C5AR1: variants seen among roughly 807,000 people sequenced by gnomAD.
The protein encoded by C5AR1 is C5a anaphylatoxin chemotactic receptor 1.
Under a neutral mutation model 2.4 loss-of-function variants are expected in C5AR1, and 4 were observed. The ratio of observed to expected loss-of-function variants is 1.65; its 90% confidence interval spans 0.81 to 3.77. The LOEUF (loss-of-function observed/expected upper bound fraction) is 3.77. Ranked by LOEUF, C5AR1 falls within the 30% of genes most tolerant of loss-of-function variation. The probability of loss-of-function intolerance (pLI) is 0.01; values close to 1 mark genes in which losing one functional copy is unlikely to be tolerated. For missense variants in C5AR1, 418 were observed against 462.5 expected (o/e 0.90, Z 0.88); for synonymous variants, 209 against 210.4 (o/e 0.99, Z 0.06).
Position 47,320,762 on chromosome 19 carries a change from G to T in C5AR1, c.985G>T (p.Val329Phe), listed in dbSNP as rs2059307697. The T allele has an allele frequency of 6.2e-7, 1 of 1,614,118 alleles. No homozygotes were observed. Among genetic ancestry groups the T allele is most frequent in the African/African-American group, 1.3e-5 (1 of 75,036 alleles). ...GAACGTGTTGACTGAAGAGTCCGTG[G>T]TTAGGGAGAGCAAGTCATTCACGCG... ...LRNVLTEESV[V>F]RESKSFTRST... Residue 329 changes from valine (V) to phenylalanine (F), a missense_variant, in exon 2 of 2, where the codon GTT becomes TTT. Transcript: ENST00000355085. This position sits in a 1 kb window ranked among gnomAD's most constrained non-coding sequence, Gnocchi z 4.9.
At position 47,320,090 on chromosome 19, in the gene C5AR1, G is replaced by T. The variant is rs1305053971; in HGVS notation, c.313G>T (p.Gly105Cys). The change falls in exon 2 of 2, where the codon GGC (glycine) becomes TGC (cysteine). Residue 105 changes from glycine (G) to cysteine (C), a missense_variant. Physicochemically the swap from Gly to Cys is radical, Grantham distance 159. Coordinates refer to ENST00000355085, the MANE Select transcript of C5AR1 (RefSeq NM_001736.4). This position sits in a 1 kb window ranked among gnomAD's most constrained non-coding sequence, Gnocchi z 4.9. ...SIVQHHHWPF[G>C]GAACSILPSL... is the part of the protein sequence containing the mutation. ...TGTACAGCATCACCACTGGCCCTTT[G>T]GCGGGGCCGCCTGCAGCATCCTGCC... The T allele has an allele frequency of 6.2e-7, 1 of 1,614,042 alleles. No homozygotes were observed. The highest frequency in any genetic ancestry group is 8.5e-7 in the Non-Finnish European group (1 of 1,180,054).
At chr19:47,318,363 A>G (rs1351037945) in intron 1 of C5AR1, among the ~76,000 whole-genome samples, 5 of 149,102 alleles carry the variant, frequency 3.4e-5, no homozygotes, top group Admixed American at 2.7e-4. Flanking sequence ...TCGCTATCTC[A>G]GCTCATTGCA....
At position 47,320,437 on chromosome 19, in the gene C5AR1, T is replaced by C. The variant is rs200212381; in HGVS notation, c.660T>C (p.Ile220=). 2.5e-6 allele frequency: 4 copies of C among 1,611,704 alleles called. No homozygotes were observed. The highest frequency in any genetic ancestry group is 3.4e-6 in the Non-Finnish European group (4 of 1,179,988). Residue 220 remains isoleucine (I), a synonymous_variant, in exon 2 of 2, where the codon ATT becomes ATC. Transcript: ENST00000355085. This position sits in a 1 kb window ranked among gnomAD's most constrained non-coding sequence, Gnocchi z 4.9. ...TGTGGCCTCTACTCACGCTCACGAT[T>C]TGTTACACTTTCATCCTGCTCCGGA... is the stretch of plus-strand genomic sequence containing the variant. ...GFLWPLLTLT[I]CYTFILLRTW... is the part of the protein sequence containing the mutation.
chr19:47,320,369 C>T lies in C5AR1; in HGVS notation c.592C>T (p.Arg198Trp), dbSNP rs767400825. ...CGVDYSHDKRRERAVAIVRLV... is the reference protein window; with the variant it reads ...CGVDYSHDKRWERAVAIVRLV... ...CGTGGACTACAGCCACGACAAACGG[C>T]GGGAGCGAGCCGTGGCCATCGTCCG... Residue 198 changes from arginine to tryptophan, a missense_variant, in exon 2 of 2, where the codon CGG becomes TGG. Arg to Trp is a moderately radical substitution (Grantham distance 101, BLOSUM62 -3). Transcript: ENST00000355085. The surrounding 1 kb of genome is among the most constrained non-coding windows in gnomAD (Gnocchi z 4.9). 1.4e-5 allele frequency: 22 copies of T among 1,609,392 alleles called. No homozygotes were observed. Among genetic ancestry groups the T allele is most frequent in the East Asian group, 6.7e-5 (3 of 44,896 alleles).
chr19:47,311,826 A>C (rs888693885), intron 1 of C5AR1, among the ~76,000 whole-genome samples: 1 of 151,972 alleles, frequency 6.6e-6, no homozygotes, highest in Non-Finnish European at 1.5e-5. Flanking sequence ...TTGGTCTCCC[A>C]AAGTGCTGGG....
intron 1 of C5AR1, among the ~76,000 whole-genome samples, chr19:47,314,687 C>T (rs1374851247): frequency 3.3e-5 from 5 of 150,980 alleles, no homozygotes; most frequent in Middle Eastern, 3.7e-3. Flanking sequence ...CGTGAACCAC[C>T]GTGTCCAGCC....
Position 47,320,141 on chromosome 19 carries a change from G to A in C5AR1, c.364G>A (p.Ala122Thr), listed in dbSNP as rs201817569. The A allele has an allele frequency of 3.7e-6, 6 of 1,614,140 alleles. No individual in the cohort carries two copies. Among genetic ancestry groups the A allele is most frequent in the South Asian group, 3.3e-5 (3 of 91,084 alleles). The part of the protein sequence containing the change: ...LPSLILLNMY[A>T]SILLLATISA... ...CTCCCTCATCCTGCTCAACATGTACGCCAGCATCCTGCTCCTGGCCACCAT... is the reference window on the plus strand; with the variant it reads ...CTCCCTCATCCTGCTCAACATGTACACCAGCATCCTGCTCCTGGCCACCAT... Residue 122 changes from alanine to threonine, a missense_variant, in exon 2 of 2, where the codon GCC (alanine) becomes ACC (threonine). Coordinates refer to ENST00000355085, the MANE Select transcript of C5AR1 (RefSeq NM_001736.4). This position sits in a 1 kb window ranked among gnomAD's most constrained non-coding sequence, Gnocchi z 4.9.
chr19:47,319,886 G>A lies in C5AR1; in HGVS notation c.109G>A (p.Asp37Asn), dbSNP rs1352734150. 1 of 1,614,224 alleles carries A rather than the reference G, an allele frequency of 6.2e-7. No individual in the cohort carries two copies. The highest frequency in any genetic ancestry group is 1.7e-5 in the Admixed American group (1 of 60,028). Reference sequence around the variant, plus strand: ...AACTTCTAACACGCTGCGTGTTCCAGACATCCTGGCCTTGGTCATCTTTGC... The same window carrying A: ...AACTTCTAACACGCTGCGTGTTCCAAACATCCTGGCCTTGGTCATCTTTGC... ...DKTSNTLRVP[D>N]ILALVIFAVV... Residue 37 changes from aspartate (D) to asparagine (N), a missense_variant, in exon 2 of 2, where the codon GAC becomes AAC. Asp to Asn is a conservative substitution (Grantham distance 23). Transcript: ENST00000355085.
At chr19:47,311,695 G>T (rs1187711412) in intron 1 of C5AR1, among the ~76,000 whole-genome samples, 1 of 152,070 alleles carries the variant, frequency 6.6e-6, no homozygotes, top group Non-Finnish European at 1.5e-5. Context: ...CTCCCGACTA[G>T]GTGGGATTAC....
Position 47,320,143 on chromosome 19 carries a change from C to T in C5AR1, c.366C>T (p.Ala122=), listed in dbSNP as rs1381806307. The T allele has an allele frequency of 6.2e-7, 1 of 1,614,222 alleles. No homozygotes were observed. The highest frequency in any genetic ancestry group is 1.7e-5 in the Admixed American group (1 of 60,030). The change falls in exon 2 of 2, where the codon GCC becomes GCT. Residue 122 remains alanine (A), a synonymous_variant. Transcript: ENST00000355085. The surrounding 1 kb of genome is among the most constrained non-coding windows in gnomAD (Gnocchi z 4.9). ...CCCTCATCCTGCTCAACATGTACGC[C>T]AGCATCCTGCTCCTGGCCACCATCA... ...LPSLILLNMY[A]SILLLATISA...
chr19:47,313,121 G>A (rs911971231), intron 1 of C5AR1, among the ~76,000 whole-genome samples: 1 of 151,734 alleles, frequency 6.6e-6, no homozygotes. Context: ...TCACAGGTGC[G>A]TGCCACCACA....
intron 1 of C5AR1, among the ~76,000 whole-genome samples, chr19:47,314,740 C>T (rs1459116228): frequency 3.3e-5 from 5 of 152,174 alleles, no homozygotes; most frequent in African/African-American, 1.2e-4. Flanking sequence ...GTTGCCCAGG[C>T]TGGAGTGCAG....
intron 1 of C5AR1, among the ~76,000 whole-genome samples, chr19:47,313,820 G>A (rs1259456415): frequency 2.6e-5 from 4 of 151,758 alleles, no homozygotes; most frequent in Non-Finnish European, 5.9e-5. Flanking sequence ...CTTGCTAACC[G>A]AGAAGACTTG....
rs764094062 is a variant in C5AR1 at position 47,320,372 on chromosome 19, G to A, written c.595G>A (p.Glu199Lys). Residue 199 changes from glutamate to lysine, a missense_variant, in exon 2 of 2, where the codon GAG (glutamate) becomes AAG (lysine). Glu to Lys is a moderately conservative substitution (Grantham distance 56). Coordinates refer to ENST00000355085, the MANE Select transcript of C5AR1 (RefSeq NM_001736.4). This position sits in a 1 kb window ranked among gnomAD's most constrained non-coding sequence, Gnocchi z 4.9. ...GGACTACAGCCACGACAAACGGCGG[G>A]AGCGAGCCGTGGCCATCGTCCGGCT... ...GVDYSHDKRR[E>K]RAVAIVRLVL... The A allele has an allele frequency of 6.2e-7, 1 of 1,609,748 alleles. No homozygotes were observed. The highest frequency in any genetic ancestry group is 1.1e-5 in the South Asian group (1 of 91,084).
At chr19:47,309,965 G>A (rs907060791) in intron 1 of C5AR1, 67 bp downstream of exon 1, 3 of 1,541,318 alleles carry the variant, frequency 1.9e-6, no homozygotes, top group Non-Finnish European at 2.7e-6. Flanking sequence ...TGCTCCAGTG[G>A]GTCCTTCTCT....
chr19:47,309,101 A>G (rs1276742460), upstream of C5AR1, among the ~76,000 whole-genome samples: 1 of 152,136 alleles, frequency 6.6e-6, no homozygotes, highest in Non-Finnish European at 1.5e-5. Flanking sequence ...ACAGTAAAAT[A>G]TACTTAAATG....
upstream of C5AR1, among the ~76,000 whole-genome samples, chr19:47,308,602 C>A (rs367771228): frequency 1.3e-3 from 188 of 149,700 alleles, no homozygotes; most frequent in African/African-American, 4.4e-3. Flanking sequence ...TCAGCCTGGG[C>A]TGGAGTGCAA....
chr19:47,319,828 G>A lies in C5AR1; in HGVS notation c.51G>A (p.Lys17=), dbSNP rs199559901. The change falls in exon 2 of 2, where the codon AAG becomes AAA. Residue 17 remains lysine (K), a synonymous_variant. Coordinates refer to ENST00000355085, the MANE Select transcript of C5AR1 (RefSeq NM_001736.4). ...CTGATTATGGGCACTATGATGACAA[G>A]GATACCCTGGACCTCAACACCCCTG... ...TTPDYGHYDD[K]DTLDLNTPVD... The A allele has an allele frequency of 3.0e-5, 49 of 1,613,706 alleles. No individual in the cohort carries two copies. The highest frequency in any genetic ancestry group is 2.5e-5 in the Non-Finnish European group (29 of 1,179,780).
At chr19:47,309,487 A>G (rs2059263270), upstream of C5AR1, among the ~76,000 whole-genome samples, 1 of 151,030 alleles carries the variant, frequency 6.6e-6, no homozygotes. Flanking sequence ...AGGCAGGAGA[A>G]GTGCTTGAAC....
Sources: gnomAD v4.1 joint callset for allele counts (sites outside exome capture counted in the v4.1 genomes callset) on GRCh38, gnomAD v4.1.1 for gene constraint, Gnocchi (gnomAD v3.1) non-coding constraint, MANE v1.5 for transcripts, NCBI Gene and HGNC (gene_info 2026-07-23, HGNC 2026-07-21) for gene names.